Variants in C10orf90 observed in about 807,000 individuals in gnomAD.
C10orf90 encodes (E2-independent) E3 ubiquitin-conjugating enzyme FATS.
C10orf90 carries 56 observed loss-of-function variants against 62.5 expected under a neutral mutation model. That is an observed-to-expected ratio of 0.90 (90% confidence interval 0.72 to 1.12). C10orf90 has a LOEUF of 1.12. Among genes scored for constraint, C10orf90 ranks in the 50% most tolerant of loss-of-function variants. The pLI, the probability that C10orf90 is intolerant of heterozygous loss-of-function variation, is 0.00. For synonymous variants in C10orf90, 386 were observed against 340.4 expected (o/e 1.13, Z -1.47); for missense variants, 970 against 880.4 (o/e 1.10, Z -1.29).
intron 2 of C10orf90, among the ~76,000 whole-genome samples, chr10:126,641,605 C>T (rs1208011400): frequency 6.6e-6 from 1 of 152,034 alleles, no homozygotes; most frequent in African/African-American, 2.4e-5. Context: ...AGACACCTGA[C>T]TTCCAATCGC....
intron 7 of C10orf90, among the ~76,000 whole-genome samples, chr10:126,439,137 T>C (rs993389849): frequency 6.6e-6 from 1 of 152,136 alleles, no homozygotes; most frequent in Non-Finnish European, 1.5e-5. Context: ...GCCTTTGCCA[T>C]CAAAGACCCT....
In C10orf90 at chr10:126,504,938, GA is replaced by G. The variant is rs1323039096; in HGVS notation, c.552del (p.Leu185TrpfsTer20). On this transcript the variant is annotated frameshift_variant, in exon 4 of 10. Coordinates refer to ENST00000488181, the MANE Select transcript of C10orf90 (RefSeq NM_001350921.2). LOFTEE classifies it high-confidence loss of function. This position sits in a 1 kb window ranked among gnomAD's most constrained non-coding sequence, Gnocchi z 4.1. ...AQSRAHHAKQ[S>X]LANRSGVNIH... The stretch of plus-strand genomic sequence containing the variant: ...ATGTTGACTCCGCTGCGGTTAGCCA[GA>G]GATTGCTTGGCGTGATGTGCACGAG... The G allele has an allele frequency of 1.9e-6, 3 of 1,614,110 alleles. No homozygotes were observed. Among genetic ancestry groups the G allele is most frequent in the Non-Finnish European group, 2.5e-6 (3 of 1,180,042 alleles).
intron 2 of C10orf90, among the ~76,000 whole-genome samples, chr10:126,568,062 T>A (rs1844429773): frequency 6.6e-6 from 1 of 152,000 alleles, no homozygotes; most frequent in African/African-American, 2.4e-5. Flanking sequence ...GGCCACTTCC[T>A]AAGCTTAGGC....
At chr10:126,638,825 G>A (rs1485082470) in intron 2 of C10orf90, among the ~76,000 whole-genome samples, 5 of 152,126 alleles carry the variant, frequency 3.3e-5, no homozygotes, top group South Asian at 2.1e-4. Context: ...CAGTCCTCAC[G>A]GAGCCCTCCT....
At chr10:126,560,677 A>G (rs2133987373) in intron 2 of C10orf90, among the ~76,000 whole-genome samples, 1 of 152,276 alleles carries the variant, frequency 6.6e-6, no homozygotes, top group Non-Finnish European at 1.5e-5. Flanking sequence ...AGAGGTCAGC[A>G]AACGTCTTCT....
At chr10:126,486,276 G>T (rs762954263) in intron 4 of C10orf90, among the ~76,000 whole-genome samples, 6 of 152,186 alleles carry the variant, frequency 3.9e-5, no homozygotes, top group African/African-American at 1.2e-4. Context: ...ACAACCACAA[G>T]CTGGAAATTT....
At chr10:126,454,769 C>A (rs10751556) in intron 7 of C10orf90, among the ~76,000 whole-genome samples, 136,866 of 152,146 alleles carry the variant, frequency 0.9, 61,673 homozygotes, top group African/African-American at 0.96. Context: ...CACGCTAATT[C>A]CCAGGTTATG....
At chr10:126,498,276 G>A (rs918505682) in intron 4 of C10orf90, among the ~76,000 whole-genome samples, 3 of 152,174 alleles carry the variant, frequency 2.0e-5, no homozygotes, top group Non-Finnish European at 4.4e-5. Flanking sequence ...AAACCTTGTT[G>A]ATCTACCCTG....
chr10:126,489,390 AAT>A (rs1340818449), intron 4 of C10orf90, among the ~76,000 whole-genome samples: 1 of 152,156 alleles, frequency 6.6e-6, no homozygotes, highest in Admixed American at 6.5e-5. Context: ...AAAAAACCTG[AAT>A]AAAAATGGGC....
chr10:126,669,788 T>A (rs1224154000), intron 1 of C10orf90, among the ~76,000 whole-genome samples: 2 of 152,096 alleles, frequency 1.3e-5, no homozygotes, highest in African/African-American at 4.8e-5. Flanking sequence ...CTGGCCTAAC[T>A]TGAATCATTC....
intron 4 of C10orf90, chr10:126,470,184 T>C: frequency 2.5e-6 from 1 of 397,268 alleles, no homozygotes; most frequent in Non-Finnish European, 5.1e-6. Flanking sequence ...AAGGCATTTT[T>C]CTGCATGTTG....
intron 3 of C10orf90, among the ~76,000 whole-genome samples, chr10:126,509,344 T>A (rs1862956300): frequency 6.6e-6 from 1 of 152,118 alleles, no homozygotes; most frequent in Admixed American, 6.5e-5. Flanking sequence ...CCAGTACTCT[T>A]CCCATGACCC....
chr10:126,517,322 T>G (rs1170024782), intron 2 of C10orf90, among the ~76,000 whole-genome samples: 1 of 152,176 alleles, frequency 6.6e-6, no homozygotes, highest in Admixed American at 6.5e-5. Context: ...AAAAAAATAG[T>G]AAAGTTGTAA....
rs1348013004 is a variant in C10orf90, at chr10:126,670,324, G to T, written c.157C>A (p.Pro53Thr). 2.2e-6 allele frequency: 1 copy of T among 456,646 alleles called. No homozygotes were observed. The allele number at this position is 456,646 out of a possible 1,614,324, so 28.3% of individuals were successfully genotyped here. The change falls in exon 1 of 10, where the codon CCC becomes ACC. Residue 53 changes from proline (P) to threonine (T), a missense_variant. Pro to Thr is a conservative substitution (Grantham distance 38). Transcript: ENST00000488181. ...VMDFVKSNWFPSQRRAKVCII... is the reference protein window; with the variant it reads ...VMDFVKSNWFTSQRRAKVCII... ...CAAACTTTGGCTCTTCTCTGGGAGG[G>T]AAACCAGTTACTCTTCACAAAATCC...
At position 126,425,972 on chromosome 10, in the gene C10orf90, C is replaced by A; in HGVS notation, c.2352+19G>T. 6.2e-7 allele frequency: 1 copy of A among 1,613,798 alleles called. No homozygotes were observed. The highest frequency in any genetic ancestry group is 8.5e-7 in the Non-Finnish European group (1 of 1,179,642). On this transcript the variant is annotated intron_variant, in intron 9 of 9. Coordinates refer to ENST00000488181, the MANE Select transcript of C10orf90 (RefSeq NM_001350921.2). ...CTGTGCACCACACACATCACACCTG[C>A]TGGTGACGAGGCCATTACCTTTTTG...
At chr10:126,642,735 C>G (rs1011406450) in intron 2 of C10orf90, among the ~76,000 whole-genome samples, 1 of 152,080 alleles carries the variant, frequency 6.6e-6, no homozygotes, top group South Asian at 2.1e-4. Flanking sequence ...GATTTACAAC[C>G]CTGACCTGTC....
At chr10:126,642,489 G>A (rs189190325) in intron 2 of C10orf90, among the ~76,000 whole-genome samples, 5 of 151,914 alleles carry the variant, frequency 3.3e-5, no homozygotes, top group African/African-American at 4.8e-5. Flanking sequence ...CCCAGATCGC[G>A]CCACTGCACT....
intron 1 of C10orf90, among the ~76,000 whole-genome samples, chr10:126,655,316 C>CA (rs1157268097): frequency 6.6e-6 from 1 of 151,566 alleles, no homozygotes; most frequent in Non-Finnish European, 1.5e-5. Flanking sequence ...GACTGTGTCT[C>CA]AAAAAAATAT....
chr10:126,647,430 C>T (rs1030121035), intron 1 of C10orf90, among the ~76,000 whole-genome samples: 2 of 152,220 alleles, frequency 1.3e-5, no homozygotes, highest in African/African-American at 4.8e-5. Flanking sequence ...CTGAGTTAAA[C>T]TTTTTGGTGT....
Sources: gnomAD v4.1 joint callset for allele counts (sites outside exome capture counted in the v4.1 genomes callset) on GRCh38, gnomAD v4.1.1 for gene constraint, Gnocchi (gnomAD v3.1) non-coding constraint, MANE v1.5 for transcripts, NCBI Gene and HGNC (gene_info 2026-07-23, HGNC 2026-07-21) for gene names.